Variants in PBK observed in about 807,000 individuals in gnomAD.
PBK encodes the protein lymphokine-activated killer T-cell-originated protein kinase.
Under a neutral mutation model 33.5 loss-of-function variants are expected in PBK, and 22 were observed. The observed-to-expected ratio is 0.66, with a 90% CI of 0.47 to 0.94. PBK has a LOEUF of 0.94. PBK is among the 40% of genes least tolerant of loss of function. PBK has a pLI of 0.00. For missense variants in PBK, 376 were observed against 383.4 expected (o/e 0.98, Z 0.16); for synonymous variants, 129 against 123.8 (o/e 1.04, Z -0.28).
chr8:27,836,645 TAG>T (rs1486531029), intron 1 of PBK, among the ~76,000 whole-genome samples: 1 of 152,042 alleles, frequency 6.6e-6, no homozygotes, highest in Non-Finnish European at 1.5e-5. Context: ...CCCTGGCGCG[TAG>T]AGTGTCCTGG....
At chr8:27,821,243 TATAAA>T (rs1272633361) in intron 5 of PBK, among the ~76,000 whole-genome samples, 3 of 152,052 alleles carry the variant, frequency 2.0e-5, no homozygotes, top group Non-Finnish European at 2.9e-5. Flanking sequence ...CTTTTATACT[TATAAA>T]ATAAATAATT....
At chr8:27,810,814 A>G in intron 7 of PBK, 144 bp downstream of exon 7, 3 of 647,732 alleles carry the variant, frequency 4.6e-6, no homozygotes, top group Non-Finnish European at 7.9e-6. Flanking sequence ...CCTATTCTCA[A>G]TCTATGTCTC....
intron 1 of PBK, among the ~76,000 whole-genome samples, chr8:27,836,592 A>G (rs963258159): frequency 5.3e-5 from 8 of 152,066 alleles, no homozygotes; most frequent in East Asian, 1.9e-4. Flanking sequence ...GAAATGAAAA[A>G]CAAAGCAACC....
chr8:27,830,630 A>G (rs1395282572), intron 2 of PBK, among the ~76,000 whole-genome samples: 1 of 152,232 alleles, frequency 6.6e-6, no homozygotes, highest in African/African-American at 2.4e-5. Context: ...AATGTGACTA[A>G]TACAACTGAG....
At chr8:27,829,995 G>C (rs904504870) in intron 2 of PBK, among the ~76,000 whole-genome samples, 10 of 151,946 alleles carry the variant, frequency 6.6e-5, no homozygotes, top group African/African-American at 2.4e-4. Flanking sequence ...TTGAGGCCAG[G>C]AGTTCAAGAC....
chr8:27,829,372 A>G (rs571035), intron 2 of PBK, among the ~76,000 whole-genome samples: 1 of 152,314 alleles, frequency 6.6e-6, no homozygotes, highest in East Asian at 1.9e-4. Flanking sequence ...GCCCCAGATA[A>G]ACATTCAAAA....
chr8:27,819,047 A>G (rs974356489), intron 6 of PBK, among the ~76,000 whole-genome samples: 3 of 152,068 alleles, frequency 2.0e-5, no homozygotes, highest in Non-Finnish European at 2.9e-5. Context: ...CCTGACTCTC[A>G]TGTTCTATTT....
At chr8:27,824,281 A>G (rs977336190) in intron 3 of PBK, among the ~76,000 whole-genome samples, 3 of 152,142 alleles carry the variant, frequency 2.0e-5, no homozygotes, top group Non-Finnish European at 4.4e-5. Flanking sequence ...TTGAAAGTTT[A>G]GAATTTAGTA....
chr8:27,828,771 A>G (rs1040670566), intron 2 of PBK, among the ~76,000 whole-genome samples: 21 of 139,730 alleles, frequency 1.5e-4, no homozygotes, highest in Admixed American at 1.3e-3. Flanking sequence ...AAAAAAAAAG[A>G]TGAAAAGATG....
At chr8:27,826,132 G>T (rs867794360) in intron 3 of PBK, among the ~76,000 whole-genome samples, 1 of 151,938 alleles carries the variant, frequency 6.6e-6, no homozygotes, top group African/African-American at 2.4e-5. Flanking sequence ...AGTCAAAAAG[G>T]CTTCATAATT....
intron 6 of PBK, among the ~76,000 whole-genome samples, chr8:27,814,642 C>G (rs1275773473): frequency 2.0e-5 from 3 of 152,082 alleles, no homozygotes; most frequent in Non-Finnish European, 4.4e-5. Flanking sequence ...TAATTTACAA[C>G]TATAGATTTC....
At chr8:27,833,024 T>TAAA in intron 2 of PBK, 32 bp downstream of exon 2, 1 of 1,030,806 alleles carries the variant, frequency 9.7e-7, no homozygotes. Context: ...ACAACAATAG[T>TAAA]AAAAAAAAAA....
chr8:27,821,079 C>T (rs1265508056), intron 5 of PBK, among the ~76,000 whole-genome samples: 1 of 152,066 alleles, frequency 6.6e-6, no homozygotes. Context: ...CCGCCTGCCT[C>T]AGTCTCCCAA....
chr8:27,828,030 G>C, intron 3 of PBK, 75 bp downstream of exon 3: 1 of 743,132 alleles, frequency 1.3e-6, no homozygotes, highest in Admixed American at 2.0e-5. Flanking sequence ...GGAATTTTCA[G>C]ACTACTTCTT....
At chr8:27,815,415 C>T (rs184931827) in intron 6 of PBK, among the ~76,000 whole-genome samples, 72 of 152,272 alleles carry the variant, frequency 4.7e-4, no homozygotes, top group African/African-American at 1.7e-3. Context: ...GTACTTAGTT[C>T]TGCTTTGGGC....
chr8:27,830,683 C>T (rs535266150), intron 2 of PBK, among the ~76,000 whole-genome samples: 2 of 152,182 alleles, frequency 1.3e-5, no homozygotes, highest in African/African-American at 4.8e-5. Context: ...TAATTTGTAT[C>T]CAAATTTAAA....
Position 27,830,316 on chromosome 8 carries a change from A to G in PBK, c.59-2118T>C, listed in dbSNP as rs111493994. Among the ~76,000 whole-genome samples the G allele has an allele frequency of 3.0e-3, 458 of 150,244 alleles. 2 individuals carry two copies. The highest frequency in any genetic ancestry group is 9.1e-3 in the African/African-American group (371 of 40,730). On this transcript the variant is annotated intron_variant, in intron 2 of 7. Transcript: ENST00000301905. ...ACAAAGGAAAATCTGAGCATAACGG[A>G]AAAAAAAAGACAAAATAGAAGCTTA...
chr8:27,811,127 G>A lies in PBK; in HGVS notation c.603C>T (p.Asp201=). 6.2e-7 allele frequency: 1 copy of A among 1,613,808 alleles called. No homozygotes were observed. Among genetic ancestry groups the A allele is most frequent in the Non-Finnish European group, 8.5e-7 (1 of 1,179,820 alleles). ...CTGTGCCAATGTAACAAGCCTCAGG[G>A]TCAGTCACTGAAACAAGCAAGATGG... ...LPLDENMTVT[D]PEACYIGTEP... Residue 201 remains aspartate, a synonymous_variant, in exon 7 of 8, where the codon GAC becomes GAT. Coordinates refer to ENST00000301905, the MANE Select transcript of PBK (RefSeq NM_018492.4).
chr8:27,812,675 A>G (rs551214190), intron 6 of PBK: 39 of 151,930 alleles, frequency 2.6e-4, no homozygotes, highest in Non-Finnish European at 4.3e-4. Context: ...TGAACAGACA[A>G]CTTCTCAAAA....
Sources: gnomAD v4.1 joint callset for allele counts (sites outside exome capture counted in the v4.1 genomes callset) on GRCh38, gnomAD v4.1.1 for gene constraint, MANE v1.5 for transcripts, NCBI Gene and HGNC (gene_info 2026-07-23, HGNC 2026-07-21) for gene names.